Variants in GREB1 observed in about 807,000 individuals in gnomAD.
GREB1 encodes growth regulating estrogen receptor binding 1, also known as protein GREB1.
GREB1 carries 106 observed loss-of-function variants against 200.7 expected under a neutral mutation model. The ratio of observed to expected loss-of-function variants is 0.53; its 90% CI spans 0.45 to 0.62. The LOEUF (loss-of-function observed/expected upper bound fraction) is 0.62, where lower values mean the gene tolerates loss of function less well. GREB1 is among the 20% of genes least tolerant of loss of function. GREB1 has a pLI of 0.00. For synonymous variants in GREB1, 1,132 were observed against 1,092.4 expected (o/e 1.04, Z -0.72); for missense variants, 2,243 against 2,556.8 (o/e 0.88, Z 2.65).
intron 1 of GREB1, among the ~76,000 whole-genome samples, chr2:11,516,778 C>T (rs1489454466): frequency 6.6e-6 from 1 of 152,238 alleles, no homozygotes; most frequent in African/African-American, 2.4e-5. Context: ...TAGGAAGCTG[C>T]CACACGCAAG....
At chr2:11,550,552 A>G (rs1334790644) in intron 1 of GREB1, among the ~76,000 whole-genome samples, 1 of 152,178 alleles carries the variant, frequency 6.6e-6, no homozygotes, top group African/African-American at 2.4e-5. Flanking sequence ...TCGGGAAGGG[A>G]GAGGGAGTCC....
intron 24 of GREB1, among the ~76,000 whole-genome samples, chr2:11,625,851 A>T (rs1235941818): frequency 6.6e-6 from 1 of 152,226 alleles, no homozygotes; most frequent in Non-Finnish European, 1.5e-5. Context: ...TAATTTATAA[A>T]GAAAAAGAGG....
Position 11,629,907 on chromosome 2 carries a change from G to A in GREB1, c.4450-41G>A, listed in dbSNP as rs1415322484. 13 of 1,601,752 alleles carry A rather than the reference G, an allele frequency of 8.1e-6. No individual in the cohort carries two copies. Among genetic ancestry groups the A allele is most frequent in the Admixed American group, 6.7e-5 (4 of 59,658 alleles). ...CCTGGGGTCTTCTGGGAAGCAGGCCGGACTCTGACGGCAAGCTCTGTCCTT... is the reference window on the plus strand; with the variant it reads ...CCTGGGGTCTTCTGGGAAGCAGGCCAGACTCTGACGGCAAGCTCTGTCCTT... On this transcript the variant is annotated intron_variant, in intron 25 of 32. Coordinates refer to ENST00000381486, the MANE Select transcript of GREB1 (RefSeq NM_014668.4). The surrounding 1 kb of genome is among the most constrained non-coding windows in gnomAD (Gnocchi z 5.2).
rs376915857 is a variant in GREB1 at position 11,616,736 on chromosome 2, C to T, written c.3412+16C>T. The stretch of plus-strand genomic sequence containing the variant: ...AAGGCTTCCGGTGAGTCTTCCCACA[C>T]GGGAAGGACCAGACCAGCAGACTGA... On this transcript the variant is annotated intron_variant, in intron 21 of 32. Transcript: ENST00000381486. 113 of 1,495,288 alleles carry T rather than the reference C, an allele frequency of 7.6e-5. No individual in the cohort carries two copies. Among genetic ancestry groups the T allele is most frequent in the Admixed American group, 2.3e-4 (14 of 59,850 alleles). 92.6% of individuals were successfully genotyped at this position (1,495,288 alleles called of 1,614,324 possible). A position where few individuals can be genotyped will look rare whatever the true frequency, so the allele number is the denominator to read the frequency against.
chr2:11,601,071 C>A, intron 16 of GREB1, 76 bp downstream of exon 16: 1 of 1,207,788 alleles, frequency 8.3e-7, no homozygotes, highest in Non-Finnish European at 1.2e-6. Flanking sequence ...TAGTAACAGC[C>A]TTGACCAGTG....
intron 18 of GREB1, among the ~76,000 whole-genome samples, chr2:11,611,971 A>G (rs1572916406): frequency 6.6e-6 from 1 of 152,120 alleles, no homozygotes; most frequent in Non-Finnish European, 1.5e-5. Context: ...AGGCGGGCGG[A>G]TCACTTGAGG....
intron 1 of GREB1, among the ~76,000 whole-genome samples, chr2:11,544,467 C>T (rs188066573): frequency 1.3e-5 from 2 of 152,120 alleles, no homozygotes; most frequent in Non-Finnish European, 2.9e-5. Flanking sequence ...CTGCCCACCT[C>T]GGCCTCCCAA....
At chr2:11,620,095 G>T (rs1683878393) in intron 22 of GREB1, among the ~76,000 whole-genome samples, 1 of 152,190 alleles carries the variant, frequency 6.6e-6, no homozygotes, top group African/African-American at 2.4e-5. Flanking sequence ...TCTTGCCTCA[G>T]CCTCCCGAGT....
intron 25 of GREB1, among the ~76,000 whole-genome samples, chr2:11,628,110 C>T (rs148846758): frequency 3.9e-5 from 6 of 152,188 alleles, no homozygotes; most frequent in African/African-American, 1.2e-4. Context: ...TGGGGAGGAA[C>T]GAGGACTCTC....
At chr2:11,550,941 A>C (rs773929830) in intron 1 of GREB1, among the ~76,000 whole-genome samples, 105 of 152,088 alleles carry the variant, frequency 6.9e-4, no homozygotes, top group Non-Finnish European at 1.3e-3. Context: ...TCTTCCTTGA[A>C]GCTTCTGCCC....
At position 11,612,381 on chromosome 2, in the gene GREB1, GAA is replaced by G. The variant is rs1159700112; in HGVS notation, c.3007-113_3007-112del. On this transcript the variant is annotated intron_variant, in intron 18 of 32. Coordinates refer to ENST00000381486, the MANE Select transcript of GREB1 (RefSeq NM_014668.4). Reference sequence around the variant, plus strand: ...GTCTAAAGAAATTTCCTTTTGGTCAGAAGATATAGTTCAAGGAGTTTAAATTG... The same window carrying G: ...GTCTAAAGAAATTTCCTTTTGGTCAGGATATAGTTCAAGGAGTTTAAATTG... The G allele has an allele frequency of 4.2e-6, 6 of 1,443,358 alleles. No homozygotes were observed. The African/African-American group carries it at 8.6e-5, about 21-fold the overall frequency. 89.4% of individuals were successfully genotyped at this position (1,443,358 alleles called of 1,614,324 possible).
upstream of GREB1, among the ~76,000 whole-genome samples, chr2:11,533,436 A>C (rs771608540): frequency 6.6e-6 from 1 of 152,226 alleles, no homozygotes; most frequent in Non-Finnish European, 1.5e-5. Context: ...ACTGGAGCTC[A>C]GGGAGTGAGG....
rs566429046 is a variant in GREB1, at chr2:11,629,669, A to G, written c.4450-279A>G. Among the ~76,000 whole-genome samples, 1 of 152,286 alleles carries G rather than the reference A, an allele frequency of 6.6e-6. No homozygotes were observed. Among genetic ancestry groups the G allele is most frequent in the South Asian group, 2.1e-4 (1 of 4,828 alleles). ...TCTGGTCAGGTTCAAAGCCACGGGG[A>G]CCAGAAAGCTTGATGCCTGCTTGGC... On this transcript the variant is annotated intron_variant, in intron 25 of 32. Transcript: ENST00000381486. The surrounding 1 kb of genome is among the most constrained non-coding windows in gnomAD (Gnocchi z 5.2).
rs1333360587 is a variant in GREB1 at position 11,634,215 on chromosome 2, C to A, written c.5076C>A (p.Ala1692=). Residue 1692 remains alanine (A), a synonymous_variant, in exon 29 of 33, where the codon GCC becomes GCA. Coordinates refer to ENST00000381486, the MANE Select transcript of GREB1 (RefSeq NM_014668.4). The part of the protein sequence containing the change: ...IEAAPDIMHY[A]LLGLRKWSSK... Reference sequence around the variant, plus strand: ...CGGCCCCCGACATCATGCACTACGCCCTGCTGGGCCTGCGGAAGTGGTCCA... The same window carrying A: ...CGGCCCCCGACATCATGCACTACGCACTGCTGGGCCTGCGGAAGTGGTCCA... The A allele has an allele frequency of 6.2e-7, 1 of 1,614,228 alleles. No homozygotes were observed. Among genetic ancestry groups the A allele is most frequent in the Non-Finnish European group, 8.5e-7 (1 of 1,180,036 alleles).
At chr2:11,619,384 G>A (rs1018628146) in intron 22 of GREB1, among the ~76,000 whole-genome samples, 5 of 152,164 alleles carry the variant, frequency 3.3e-5, no homozygotes, top group Non-Finnish European at 5.9e-5. Context: ...AATCTCCTGT[G>A]CGTGAGCCTG....
rs145253210 is a variant in GREB1 at position 11,580,507 on chromosome 2, G to GGT, written c.773-186_773-185dup. ...GTGTATGTGTGTACACGTGCATGGG[G>GGT]GTGTGTGTGTGTATGCATGTGTCTG... On this transcript the variant is annotated intron_variant, in intron 6 of 32. Coordinates refer to ENST00000381486, the MANE Select transcript of GREB1 (RefSeq NM_014668.4). This position sits in a 1 kb window ranked among gnomAD's most constrained non-coding sequence, Gnocchi z 4.5. Among the ~76,000 whole-genome samples the GGT allele has an allele frequency of 6.6e-6, 1 of 151,960 alleles. No individual in the cohort carries two copies. Among genetic ancestry groups the GGT allele is most frequent in the Non-Finnish European group, 1.5e-5 (1 of 67,966 alleles).
chr2:11,485,259 T>TTATTTTATA (rs1368326346), intron 1 of GREB1, among the ~76,000 whole-genome samples: 5 of 124,194 alleles, frequency 4.0e-5, no homozygotes, highest in African/African-American at 1.6e-4. Flanking sequence ...TTATTTTATT[T>TTATTTTATA]TATATATATA....
intron 1 of GREB1, among the ~76,000 whole-genome samples, chr2:11,514,959 T>TATCCATCC (rs553505477): frequency 2.0e-5 from 3 of 151,880 alleles, no homozygotes; most frequent in Admixed American, 2.0e-4. Context: ...CTTCCTCCAC[T>TATCCATCC]ATCCATCCAT....
chr2:11,553,296 C>T (rs985557543), intron 1 of GREB1, among the ~76,000 whole-genome samples: 2 of 151,832 alleles, frequency 1.3e-5, no homozygotes, highest in Non-Finnish European at 2.9e-5. Context: ...CCCAGGAGTT[C>T]GAGACCAGCC....
Sources: gnomAD v4.1 joint callset for allele counts (sites outside exome capture counted in the v4.1 genomes callset) on GRCh38, gnomAD v4.1.1 for gene constraint, Gnocchi (gnomAD v3.1) non-coding constraint, MANE v1.5 for transcripts, NCBI Gene and HGNC (gene_info 2026-07-23, HGNC 2026-07-21) for gene names.